The following ABHD5 variants were observed in gnomAD, a reference collection of about 807,000 sequenced individuals.
ABHD5 encodes the protein 1-acylglycerol-3-phosphate O-acyltransferase ABHD5.
ABHD5 carries 30 observed loss-of-function variants against 44.9 expected under a neutral mutation model. The observed-to-expected ratio is 0.67, with a 90% confidence interval of 0.50 to 0.91. The LOEUF (loss-of-function observed/expected upper bound fraction) is 0.91. Among genes scored for constraint, ABHD5 ranks in the 40% least tolerant of loss-of-function variants. ABHD5 has a pLI of 0.00. For missense variants in ABHD5, 399 were observed against 423.4 expected (o/e 0.94, Z 0.50); for synonymous variants, 167 against 147.0 (o/e 1.14, Z -0.99).
At chr3:43,706,638 A>T (rs2084623615) in intron 3 of ABHD5, among the ~76,000 whole-genome samples, 1 of 152,012 alleles carries the variant, frequency 6.6e-6, no homozygotes, top group Admixed American at 6.6e-5. Flanking sequence ...TTTTGTGTAG[A>T]GATGGGGGTT....
intron 4 of ABHD5, among the ~76,000 whole-genome samples, chr3:43,712,826 A>G (rs1279985923): frequency 6.6e-6 from 1 of 152,124 alleles, no homozygotes; most frequent in Non-Finnish European, 1.5e-5. Context: ...AAAAGCACGA[A>G]AAATGGTCCT....
intron 1 of ABHD5, among the ~76,000 whole-genome samples, chr3:43,696,257 A>G (rs1298999276): frequency 6.6e-6 from 1 of 152,252 alleles, no homozygotes; most frequent in Admixed American, 6.5e-5. Flanking sequence ...TAAATAAAAT[A>G]GAGAAGTTAG....
downstream of ABHD5, among the ~76,000 whole-genome samples, chr3:43,725,852 TTTTTTTTG>T (rs879902086): frequency 2.0e-5 from 3 of 151,766 alleles, no homozygotes; most frequent in Non-Finnish European, 4.4e-5. Context: ...TTCCTAGTTT[TTTTTTTTG>T]TTTTTTTGTT....
At chr3:43,704,040 T>A (rs1053679114) in intron 3 of ABHD5, among the ~76,000 whole-genome samples, 1 of 133,222 alleles carries the variant, frequency 7.5e-6, no homozygotes, top group African/African-American at 2.8e-5. Flanking sequence ...TTTCTTTTTT[T>A]TTTTTTTTTT....
intron 2 of ABHD5, among the ~76,000 whole-genome samples, chr3:43,701,347 A>G (rs1170444394): frequency 6.6e-6 from 1 of 152,172 alleles, no homozygotes; most frequent in African/African-American, 2.4e-5. Context: ...ACAAAACATG[A>G]TATTATTTCT....
At chr3:43,733,157 T>C (rs1041523800) in intron 7 of ABHD5, among the ~76,000 whole-genome samples, 5 of 152,140 alleles carry the variant, frequency 3.3e-5, no homozygotes, top group Non-Finnish European at 4.4e-5. Context: ...TCATCCACAC[T>C]CAGGAGCAGA....
intron 3 of ABHD5, among the ~76,000 whole-genome samples, chr3:43,705,076 A>C (rs547200212): frequency 6.6e-6 from 1 of 152,230 alleles, no homozygotes; most frequent in Non-Finnish European, 1.5e-5. Flanking sequence ...GTCAGTCAGA[A>C]CACCATGGTT....
intron 6 of ABHD5, among the ~76,000 whole-genome samples, 183 bp from the exon 7 acceptor site, chr3:43,718,255 TTTCTA>T (rs1260070751): frequency 6.6e-6 from 1 of 152,236 alleles, no homozygotes; most frequent in East Asian, 1.9e-4. Context: ...TCAGTAGATT[TTTCTA>T]TTCTCAGATC....
intron 7 of ABHD5, among the ~76,000 whole-genome samples, chr3:43,731,833 CAATA>C (rs199858915): frequency 0.028 from 4,246 of 151,644 alleles, 182 homozygotes; most frequent in African/African-American, 0.095. Context: ...AACTCCGTCT[CAATA>C]AATAAATAAA....
intron 4 of ABHD5, among the ~76,000 whole-genome samples, chr3:43,713,644 C>T (rs184193264): frequency 1.3e-5 from 2 of 152,316 alleles, no homozygotes; most frequent in African/African-American, 2.4e-5. Context: ...TAGAGCCACT[C>T]CTTACTATGC....
In ABHD5 at chr3:43,717,788, A is replaced by G; in HGVS notation, c.891A>G (p.Arg297=). The G allele has an allele frequency of 1.2e-6, 2 of 1,614,214 alleles. No individual in the cohort carries two copies. The highest frequency in any genetic ancestry group is 1.7e-6 in the Non-Finnish European group (2 of 1,180,036). ...CAGTTTCAGTGATCTTTGGCGCCCG[A>G]TCCTGCATAGATGGCAATTCTGGCA... ...DIPVSVIFGA[R]SCIDGNSGTS... The change falls in exon 6 of 7, where the codon CGA becomes CGG. Residue 297 remains arginine, a synonymous_variant. Coordinates refer to ENST00000644371, the MANE Select transcript of ABHD5 (RefSeq NM_016006.6).
intron 1 of ABHD5, among the ~76,000 whole-genome samples, chr3:43,693,747 CCTCT>C (rs1282009185): frequency 1.1e-5 from 1 of 92,094 alleles, no homozygotes; most frequent in African/African-American, 3.4e-5. Context: ...ATTAGTTTCT[CCTCT>C]TTTTTTTTTT....
Position 43,715,021 on chromosome 3 carries a change from A to G in ABHD5, c.736A>G (p.Thr246Ala), listed in dbSNP as rs750856224. 1 of 1,613,482 alleles carries G rather than the reference A, an allele frequency of 6.2e-7. No individual in the cohort carries two copies. The highest frequency in any genetic ancestry group is 2.2e-5 in the East Asian group (1 of 44,832). Residue 246 changes from threonine (T) to alanine (A), a missense_variant, in exon 5 of 7, where the codon ACA (threonine) becomes GCA (alanine). Physicochemically the swap from Thr to Ala is moderately conservative, Grantham distance 58. Transcript: ENST00000644371. ...YSSMFEDDTV[T>A]EYIYHCNVQT... ...TTCAATGTTCGAAGACGATACTGTG[A>G]CAGAATACATCTACCACTGTAATGT...
Position 43,718,793 on chromosome 3 carries a change from C to T in ABHD5, c.*261C>T. Reference sequence around the variant, plus strand: ...TACCTTTAAATAAAAGGTTATTTGTCCCTCTGATGTACTGAAAAACTGTAA... The same window carrying T: ...TACCTTTAAATAAAAGGTTATTTGTTCCTCTGATGTACTGAAAAACTGTAA... On this transcript the variant is annotated 3_prime_UTR_variant, in exon 7 of 7. Coordinates refer to ENST00000644371, the MANE Select transcript of ABHD5 (RefSeq NM_016006.6). 1 of 399,204 alleles carries T rather than the reference C, an allele frequency of 2.5e-6. No individual in the cohort carries two copies. Among genetic ancestry groups the T allele is most frequent in the Non-Finnish European group, 4.6e-6 (1 of 218,462 alleles). The allele number at this position is 399,204 out of a possible 1,614,324, so 24.7% of individuals were successfully genotyped here. A position where few individuals can be genotyped will look rare whatever the true frequency, so the allele number is the denominator to read the frequency against.
At chr3:43,691,312 C>T (rs1468313249) in intron 1 of ABHD5, 1 of 324,490 alleles carries the variant, frequency 3.1e-6, no homozygotes, top group Admixed American at 4.9e-5. Flanking sequence ...CGCGGAGGGT[C>T]CGCCCCGTTG....
intron 1 of ABHD5, among the ~76,000 whole-genome samples, chr3:43,692,207 T>C (rs1157577900): frequency 6.6e-6 from 1 of 152,220 alleles, no homozygotes; most frequent in East Asian, 1.9e-4. Context: ...ACAGGGATAT[T>C]TGGAAAGATG....
Position 43,721,889 on chromosome 3 carries a change from A to G in ABHD5, c.*3357A>G, listed in dbSNP as rs2084841187. On this transcript the variant is annotated 3_prime_UTR_variant, in exon 7 of 7. Coordinates refer to ENST00000644371, the MANE Select transcript of ABHD5 (RefSeq NM_016006.6). The stretch of plus-strand genomic sequence containing the variant: ...TACAAGGATATGCATAAAAAGACAA[A>G]TGCAAAATAAAATAAAATAATGGAA... 1 of 152,230 alleles carries G rather than the reference A, an allele frequency of 6.6e-6. No homozygotes were observed. Among genetic ancestry groups the G allele is most frequent in the African/African-American group, 2.4e-5 (1 of 41,452 alleles). The allele number at this position is 152,230 out of a possible 1,614,324, so 9.4% of individuals were successfully genotyped here. A position where few individuals can be genotyped will look rare whatever the true frequency, so the allele number is the denominator to read the frequency against.
rs964928694 is a variant in ABHD5 at position 43,691,220 on chromosome 3, C to T, written c.47+181C>T. ...CAGAGGCGTCCCGGCGCCGCTCTGCCTGGGAGAGGCTCCCCTCAGCGTCGG... is the reference window on the plus strand; with the variant it reads ...CAGAGGCGTCCCGGCGCCGCTCTGCTTGGGAGAGGCTCCCCTCAGCGTCGG... On this transcript the variant is annotated intron_variant, in intron 1 of 6. Transcript: ENST00000644371. 5 of 505,424 alleles carry T rather than the reference C, an allele frequency of 9.9e-6. No homozygotes were observed. The Admixed American group carries it at 1.3e-4, about 14-fold the overall frequency. The allele number at this position is 505,424 out of a possible 1,614,324, so 31.3% of individuals were successfully genotyped here.
chr3:43,725,450 A>G (rs1336259949), downstream of ABHD5, among the ~76,000 whole-genome samples: 2 of 152,256 alleles, frequency 1.3e-5, no homozygotes, highest in African/African-American at 4.8e-5. Context: ...AATTTAAAAC[A>G]GTCTTACCAA....
Sources: gnomAD v4.1 joint callset for allele counts (sites outside exome capture counted in the v4.1 genomes callset) on GRCh38, gnomAD v4.1.1 for gene constraint, MANE v1.5 for transcripts, NCBI Gene and HGNC (gene_info 2026-07-23, HGNC 2026-07-21) for gene names.